PDE4D: variants seen among roughly 807,000 people sequenced by gnomAD.
The protein encoded by PDE4D is 3',5'-cyclic-AMP phosphodiesterase 4D.
A neutral mutation model predicts 87.4 loss-of-function variants in PDE4D; 24 were observed. The observed-to-expected ratio is 0.27, with a 90% CI of 0.20 to 0.39. The LOEUF (loss-of-function observed/expected upper bound fraction) is 0.39. Among genes scored for constraint, PDE4D ranks in the 10% least tolerant of loss-of-function variants. The pLI, the probability that PDE4D is intolerant of heterozygous loss-of-function variation, is 1.00. For missense variants in PDE4D, 714 were observed against 1,041.0 expected, an observed-to-expected ratio of 0.69 and a Z score of 4.32; for synonymous variants, 384 against 383.2, an observed-to-expected ratio of 1.00 and a Z score of -0.02.
At chr5:60,294,876 G>A (rs1753230354) in intron 1 of PDE4D, among the ~76,000 whole-genome samples, 1 of 151,812 alleles carries the variant, frequency 6.6e-6, no homozygotes, top group African/African-American at 2.4e-5. Context: ...TTTAGAATAA[G>A]CTTGTCAATT....
chr5:59,844,153 A>T (rs1431947749), intron 1 of PDE4D, among the ~76,000 whole-genome samples: 1 of 152,070 alleles, frequency 6.6e-6, no homozygotes, highest in Non-Finnish European at 1.5e-5. Flanking sequence ...CTTCAAAGAG[A>T]CTGCTCAAAT....
intron 1 of PDE4D, among the ~76,000 whole-genome samples, chr5:60,415,846 G>T (rs1332975254): frequency 6.6e-6 from 1 of 152,262 alleles, no homozygotes; most frequent in Non-Finnish European, 1.5e-5. Flanking sequence ...GCCGCCCGGT[G>T]CGGGACCCAC....
intron 2 of PDE4D, among the ~76,000 whole-genome samples, chr5:60,027,409 CT>C (rs1203068837): frequency 6.6e-6 from 1 of 152,100 alleles, no homozygotes; most frequent in Non-Finnish European, 1.5e-5. Flanking sequence ...TGACTTTGTT[CT>C]TTTTTATGAT....
At chr5:60,368,695 G>T (rs1760762098) in intron 1 of PDE4D, among the ~76,000 whole-genome samples, 1 of 152,106 alleles carries the variant, frequency 6.6e-6, no homozygotes, top group Non-Finnish European at 1.5e-5. Context: ...ATTGCATCAT[G>T]GGGGCGGGAT....
At chr5:59,201,758 C>T (rs1368589697) in intron 2 of PDE4D, among the ~76,000 whole-genome samples, 1 of 152,096 alleles carries the variant, frequency 6.6e-6, no homozygotes, top group Non-Finnish European at 1.5e-5. Flanking sequence ...AGTGAATGTG[C>T]TTTTCCTCTT....
At chr5:59,254,443 A>AT (rs954718404) in intron 1 of PDE4D, among the ~76,000 whole-genome samples, 2 of 151,932 alleles carry the variant, frequency 1.3e-5, no homozygotes, top group African/African-American at 2.4e-5. Context: ...GCAGTCATTA[A>AT]TTTTTTGTCC....
intron 2 of PDE4D, among the ~76,000 whole-genome samples, chr5:60,141,044 T>C (rs551657241): frequency 6.6e-6 from 1 of 152,322 alleles, no homozygotes; most frequent in African/African-American, 2.4e-5. Context: ...AATTATCAGC[T>C]CTTTTTTCGT....
At chr5:59,086,127 C>T (rs1380432811) in intron 5 of PDE4D, among the ~76,000 whole-genome samples, 3 of 152,132 alleles carry the variant, frequency 2.0e-5, no homozygotes, top group African/African-American at 4.8e-5. Flanking sequence ...ACATAACCTG[C>T]CAAGGGTCAC....
intron 1 of PDE4D, among the ~76,000 whole-genome samples, chr5:59,308,130 A>G (rs1771789862): frequency 6.8e-6 from 1 of 148,030 alleles, no homozygotes; most frequent in African/African-American, 2.5e-5. Context: ...CAAACACCGC[A>G]TGTTCTCACT....
At chr5:59,515,217 C>T (rs1329921305) in intron 1 of PDE4D, among the ~76,000 whole-genome samples, 1 of 152,198 alleles carries the variant, frequency 6.6e-6, no homozygotes, top group Admixed American at 6.5e-5. Context: ...GAAGCATGCT[C>T]TTTAATTGTA....
At chr5:59,927,128 G>A (rs1164988189) in intron 3 of PDE4D, among the ~76,000 whole-genome samples, 3 of 152,192 alleles carry the variant, frequency 2.0e-5, no homozygotes, top group Admixed American at 6.5e-5. Flanking sequence ...TTCTGCATTT[G>A]AGTGTTTGAG....
intron 1 of PDE4D, among the ~76,000 whole-genome samples, chr5:59,299,386 G>A (rs375668816): frequency 5.3e-5 from 8 of 152,242 alleles, no homozygotes; most frequent in African/African-American, 1.7e-4. Flanking sequence ...CTGTGGGAAC[G>A]GACTTGATGA....
intron 1 of PDE4D, among the ~76,000 whole-genome samples, chr5:60,402,279 C>T (rs551835878): frequency 2.0e-5 from 3 of 152,066 alleles, no homozygotes; most frequent in African/African-American, 7.3e-5. Flanking sequence ...GGAAGACATG[C>T]GAATTTTGGC....
chr5:59,178,078 C>T (rs1255058418), intron 5 of PDE4D, among the ~76,000 whole-genome samples: 4 of 152,166 alleles, frequency 2.6e-5, no homozygotes, highest in Non-Finnish European at 5.9e-5. Flanking sequence ...ACTGCCTTTT[C>T]TGAGTGTCTC....
intron 5 of PDE4D, among the ~76,000 whole-genome samples, chr5:59,138,822 ACT>A (rs1197491624): frequency 6.6e-6 from 1 of 152,108 alleles, no homozygotes; most frequent in Non-Finnish European, 1.5e-5. Flanking sequence ...TGTAGCGTCC[ACT>A]CTCAGGAGTT....
rs569641477 is a variant in PDE4D, at chr5:59,981,904, C to CT, written c.272+6583dup. On this transcript the variant is annotated intron_variant, in intron 3 of 16. Transcript: ENST00000502484. ...TCAGGAATAAATTGCTGAAAACAAT[C>CT]TTTTTTTTAATGTTCTCTCTAACGT... Among the ~76,000 whole-genome samples the CT allele has an allele frequency of 2.8e-4, 42 of 151,988 alleles. No homozygotes were observed. In the East Asian group the frequency reaches 4.3e-3, roughly 15 times the overall value.
chr5:59,914,409 G>T (rs1403623902), intron 3 of PDE4D, among the ~76,000 whole-genome samples: 1 of 152,090 alleles, frequency 6.6e-6, no homozygotes, highest in Non-Finnish European at 1.5e-5. Flanking sequence ...GGGAAGCTAG[G>T]TAAATGCATT....
intron 1 of PDE4D, among the ~76,000 whole-genome samples, chr5:60,236,588 G>A (rs750368437): frequency 1.3e-5 from 2 of 151,922 alleles, no homozygotes; most frequent in Non-Finnish European, 2.9e-5. Flanking sequence ...GGCAAAGGGG[G>A]CTGTGGTTGC....
At chr5:59,768,563 C>T (rs1443972423) in intron 1 of PDE4D, 10 of 1,586,324 alleles carry the variant, frequency 6.3e-6, no homozygotes, top group Non-Finnish European at 8.5e-6. Flanking sequence ...GTGGTTCCCT[C>T]GCTCACGGTC....
Sources: allele counts gnomAD v4.1 joint callset (sites outside exome capture counted in the v4.1 genomes callset), GRCh38; gene constraint gnomAD v4.1.1; transcripts MANE v1.5; gene names NCBI Gene and HGNC (gene_info 2026-07-23, HGNC 2026-07-21).